Variants in TIAM1 observed in about 807,000 individuals in gnomAD.
TIAM1 encodes the protein rho guanine nucleotide exchange factor TIAM1.
Under a neutral mutation model 163.5 loss-of-function variants are expected in TIAM1, and 65 were observed. The ratio of observed to expected loss-of-function variants is 0.40; its 90% confidence interval spans 0.33 to 0.49. The LOEUF is 0.49. Among genes scored for constraint, TIAM1 ranks in the 20% least tolerant of loss-of-function variants. The pLI, the probability that TIAM1 is intolerant of heterozygous loss-of-function variation, is 0.77. For synonymous variants in TIAM1, 833 were observed against 810.1 expected (o/e 1.03, Z -0.48); for missense variants, 1,789 against 2,044.7 (o/e 0.87, Z 2.41).
At chr21:31,496,913 T>C (rs2046679300) in intron 1 of TIAM1, among the ~76,000 whole-genome samples, 1 of 152,188 alleles carries the variant, frequency 6.6e-6, no homozygotes, top group African/African-American at 2.4e-5. Flanking sequence ...CCTCAGATCA[T>C]CAAGCATTAG....
At chr21:31,150,618 C>T (rs2083329032) in intron 19 of TIAM1, among the ~76,000 whole-genome samples, 2 of 152,114 alleles carry the variant, frequency 1.3e-5, no homozygotes, top group African/African-American at 4.8e-5. Context: ...AACTATAAAA[C>T]TTCTAAGAGA....
intron 1 of TIAM1, among the ~76,000 whole-genome samples, chr21:31,482,911 T>A (rs1171482876): frequency 6.6e-6 from 1 of 152,170 alleles, no homozygotes; most frequent in Non-Finnish European, 1.5e-5. Context: ...TGCCAGGCCC[T>A]GGGCACTGTG....
At chr21:31,490,769 G>T (rs1569379492) in intron 1 of TIAM1, among the ~76,000 whole-genome samples, 1 of 152,238 alleles carries the variant, frequency 6.6e-6, no homozygotes. Flanking sequence ...CTTCATTCAA[G>T]TGTTGTTGCA....
intron 3 of TIAM1, 94 bp from the exon 4 acceptor site, chr21:31,267,077 A>G (rs1215711197): frequency 6.7e-7 from 1 of 1,486,776 alleles, no homozygotes; most frequent in Non-Finnish European, 8.9e-7. Flanking sequence ...GGGAGGGCAG[A>G]ACACCTTGGC....
chr21:31,364,847 T>C (rs2076472775), intron 2 of TIAM1, among the ~76,000 whole-genome samples: 1 of 152,304 alleles, frequency 6.6e-6, no homozygotes, highest in African/African-American at 2.4e-5. Flanking sequence ...AATGGCACAG[T>C]CCAGAGTGGG....
intron 2 of TIAM1, among the ~76,000 whole-genome samples, chr21:31,299,041 T>C (rs2074404416): frequency 6.6e-6 from 1 of 152,148 alleles, no homozygotes; most frequent in Non-Finnish European, 1.5e-5. Context: ...ATATACCTCA[T>C]TAGCAGTTTC....
chr21:31,336,395 C>T (rs2075840405), intron 2 of TIAM1, among the ~76,000 whole-genome samples: 1 of 152,022 alleles, frequency 6.6e-6, no homozygotes, highest in Non-Finnish European at 1.5e-5. Context: ...GATGACACAT[C>T]CATTCTATGA....
At chr21:31,388,905 G>A (rs560999508) in intron 2 of TIAM1, among the ~76,000 whole-genome samples, 1 of 152,310 alleles carries the variant, frequency 6.6e-6, no homozygotes, top group Admixed American at 6.5e-5. Flanking sequence ...GAAAGAAGGG[G>A]CAACCACGGG....
chr21:31,290,646 CAAAAAAAAAA>C (rs200030849), intron 2 of TIAM1, among the ~76,000 whole-genome samples: 181 of 63,200 alleles, frequency 2.9e-3, no homozygotes, highest in Non-Finnish European at 3.8e-3. Context: ...GACTCTATCT[CAAAAAAAAAA>C]AAAAAAAAAA....
At chr21:31,518,436 C>G (rs745859994) in intron 1 of TIAM1, among the ~76,000 whole-genome samples, 1 of 152,010 alleles carries the variant, frequency 6.6e-6, no homozygotes, top group Non-Finnish European at 1.5e-5. Flanking sequence ...TACAGGCATG[C>G]GCCACCACGC....
chr21:31,384,809 G>T (rs1474047242), intron 2 of TIAM1, among the ~76,000 whole-genome samples: 2 of 152,108 alleles, frequency 1.3e-5, no homozygotes, highest in Admixed American at 1.3e-4. Flanking sequence ...AGTGGTACAT[G>T]GAAAACCATG....
At chr21:31,222,464 G>A (rs1041563649) in intron 8 of TIAM1, among the ~76,000 whole-genome samples, 2 of 151,824 alleles carry the variant, frequency 1.3e-5, no homozygotes, top group African/African-American at 4.8e-5. Flanking sequence ...CCGCTCTAGA[G>A]GTCAGATGGA....
chr21:31,466,229 G>C (rs2045527202), intron 1 of TIAM1, among the ~76,000 whole-genome samples: 2 of 152,334 alleles, frequency 1.3e-5, no homozygotes, highest in Non-Finnish European at 1.5e-5. Flanking sequence ...GACGTCTGGA[G>C]ATCAGTAGCC....
intron 1 of TIAM1, among the ~76,000 whole-genome samples, chr21:31,557,400 G>A (rs1212250200): frequency 2.0e-5 from 3 of 152,186 alleles, no homozygotes; most frequent in Non-Finnish European, 4.4e-5. Context: ...GGCTGTCACT[G>A]TGCTTTGAGG....
At chr21:31,521,745 A>AACACACACACAC (rs35006738) in intron 1 of TIAM1, among the ~76,000 whole-genome samples, 3,909 of 146,918 alleles carry the variant, frequency 0.027, 62 homozygotes, top group Middle Eastern at 0.055. Flanking sequence ...CTCACACACA[A>AACACACACACAC]ACACACACAC....
intron 2 of TIAM1, among the ~76,000 whole-genome samples, chr21:31,438,852 A>C (rs1652414395): frequency 6.6e-6 from 1 of 152,202 alleles, no homozygotes; most frequent in South Asian, 2.1e-4. Context: ...GCAACCCACA[A>C]CAACCCCACT....
At chr21:31,530,719 C>T (rs980557101) in intron 1 of TIAM1, among the ~76,000 whole-genome samples, 3 of 152,142 alleles carry the variant, frequency 2.0e-5, no homozygotes, top group Non-Finnish European at 4.4e-5. Flanking sequence ...AGCCGCACTT[C>T]GCATCCCCAG....
chr21:31,320,291 G>A (rs2075269879), intron 2 of TIAM1, among the ~76,000 whole-genome samples: 1 of 152,086 alleles, frequency 6.6e-6, no homozygotes, highest in Admixed American at 6.6e-5. Context: ...GAGGTTACCG[G>A]GGCAGGGAGG....
chr21:31,255,452 T>C (rs1375466231), intron 4 of TIAM1, among the ~76,000 whole-genome samples: 1 of 152,172 alleles, frequency 6.6e-6, no homozygotes. Context: ...AACACCGCTC[T>C]TTCTTTCCTT....
Sources: allele counts gnomAD v4.1 joint callset (sites outside exome capture counted in the v4.1 genomes callset), GRCh38; gene constraint gnomAD v4.1.1; transcripts MANE v1.5; gene names NCBI Gene and HGNC (gene_info 2026-07-23, HGNC 2026-07-21).